The following CUBN variants were observed in gnomAD, a reference collection of about 807,000 sequenced individuals.
CUBN encodes the protein 460 kDa receptor.
CUBN carries 282 observed loss-of-function variants against 405.3 expected under a neutral mutation model. The observed-to-expected ratio is 0.70, with a 90% CI of 0.63 to 0.77. The LOEUF is 0.77. Ranked by LOEUF, CUBN falls within the 30% of genes least tolerant of loss-of-function variation. The pLI is 0.00. For missense variants in CUBN, 4,514 were observed against 4,475.2 expected (o/e 1.01, Z -0.25); for synonymous variants, 1,684 against 1,617.0 (o/e 1.04, Z -0.99).
intron 3 of CUBN, among the ~76,000 whole-genome samples, chr10:17,127,236 C>T (rs7893747): frequency 1.3e-5 from 2 of 148,468 alleles, no homozygotes; most frequent in Non-Finnish European, 3.0e-5. Context: ...CTGTCTCTCT[C>T]TCTCTTTCTG....
chr10:16,922,555 TTAAC>T (rs1257888406), intron 43 of CUBN, among the ~76,000 whole-genome samples: 1 of 152,198 alleles, frequency 6.6e-6, no homozygotes, highest in Non-Finnish European at 1.5e-5. Context: ...GATTAACATC[TTAAC>T]TAACTGAGGG....
intron 4 of CUBN, 85 bp downstream of exon 4, chr10:17,126,676 C>T: frequency 2.1e-6 from 3 of 1,405,946 alleles, no homozygotes; most frequent in Non-Finnish European, 3.0e-6. Flanking sequence ...CATCCATTCA[C>T]CTTCAAAATA....
intron 54 of CUBN, among the ~76,000 whole-genome samples, chr10:16,892,173 T>C (rs1029600515): frequency 6.6e-6 from 1 of 152,230 alleles, no homozygotes; most frequent in African/African-American, 2.4e-5. Flanking sequence ...TTTAAAGCCG[T>C]ATTGTTTCAA....
chr10:16,896,250 G>C (rs1841180757), intron 54 of CUBN, among the ~76,000 whole-genome samples: 1 of 151,994 alleles, frequency 6.6e-6, no homozygotes, highest in African/African-American at 2.4e-5. Flanking sequence ...ACATATTTTT[G>C]CTTTTTCCAC....
intron 54 of CUBN, 106 bp from the exon 55 acceptor site, chr10:16,890,633 A>C (rs1840978122): frequency 9.2e-7 from 1 of 1,091,454 alleles, no homozygotes; most frequent in Non-Finnish European, 1.4e-6. Flanking sequence ...AGAACTAAGC[A>C]TAAGAGTAAA....
chr10:17,084,546 C>CCACA lies in CUBN; in HGVS notation c.2111-89_2111-86dup, dbSNP rs45464996. 6.0e-4 allele frequency: 552 copies of CCACA among 914,908 alleles called. 1 individual carries two copies. The highest frequency in any genetic ancestry group is 4.6e-3 in the Middle Eastern group (14 of 3,060). 56.7% of individuals were successfully genotyped at this position (914,908 alleles called of 1,614,324 possible). A position where few individuals can be genotyped will look rare whatever the true frequency, so the allele number is the denominator to read the frequency against. On this transcript the variant is annotated intron_variant, in intron 16 of 66. Coordinates refer to ENST00000377833, the MANE Select transcript of CUBN (RefSeq NM_001081.4). ...TTGGATCCAATTTCTAAAAATTTAC[C>CCACA]CACACACACACACACACAAGCACAT...
intron 37 of CUBN, among the ~76,000 whole-genome samples, chr10:16,939,662 G>A (rs1441238327): frequency 6.6e-6 from 1 of 152,102 alleles, no homozygotes; most frequent in Non-Finnish European, 1.5e-5. Context: ...AATACTAAAT[G>A]TCTTAAATGT....
intron 60 of CUBN, among the ~76,000 whole-genome samples, chr10:16,847,129 G>A (rs1165154414): frequency 6.6e-6 from 1 of 151,978 alleles, no homozygotes; most frequent in African/African-American, 2.4e-5. Flanking sequence ...TATGCAACAC[G>A]TTATACAATG....
intron 50 of CUBN, among the ~76,000 whole-genome samples, chr10:16,904,695 C>G (rs1841508222): frequency 6.6e-6 from 1 of 152,270 alleles, no homozygotes; most frequent in Admixed American, 6.5e-5. Context: ...TTTATTCTGT[C>G]AGATAAACAT....
intron 58 of CUBN, 111 bp downstream of exon 58, chr10:16,874,263 T>C (rs1840439912): frequency 1.7e-6 from 2 of 1,150,014 alleles, no homozygotes; most frequent in African/African-American, 1.5e-5. Flanking sequence ...TCTGTGTAGA[T>C]TTCCCTCCAG....
intron 41 of CUBN, among the ~76,000 whole-genome samples, 188 bp downstream of exon 41, chr10:16,927,969 A>G (rs563894638): frequency 1.3e-5 from 2 of 152,286 alleles, no homozygotes; most frequent in East Asian, 1.9e-4. Context: ...ACTTGGCCCC[A>G]GTGCTTTGGA....
intron 14 of CUBN, among the ~76,000 whole-genome samples, chr10:17,098,288 AG>A (rs2093414671): frequency 6.6e-6 from 1 of 152,238 alleles, no homozygotes; most frequent in African/African-American, 2.4e-5. Flanking sequence ...GATTTCAAGT[AG>A]CAACTGTCAT....
intron 31 of CUBN, among the ~76,000 whole-genome samples, chr10:16,970,031 C>T (rs544722187): frequency 6.6e-6 from 1 of 152,176 alleles, no homozygotes; most frequent in East Asian, 1.9e-4. Context: ...TTCTGTTCCC[C>T]AGGCACCTGA....
intron 22 of CUBN, 134 bp downstream of exon 22, chr10:17,065,374 C>T: frequency 8.9e-7 from 1 of 1,129,650 alleles, no homozygotes; most frequent in Admixed American, 1.7e-5. Context: ...ATTTAAGTCA[C>T]TACCCTTTAT....
chr10:16,953,157 G>A (rs1030386132), intron 32 of CUBN, among the ~76,000 whole-genome samples: 6 of 152,148 alleles, frequency 3.9e-5, no homozygotes, highest in African/African-American at 1.2e-4. Context: ...TTTTACAGGC[G>A]ACTTTGGAGA....
Position 16,933,133 on chromosome 10 carries a change from A to C in CUBN, c.6078T>G (p.Ile2026Met), listed in dbSNP as rs1242616499. ...TVELNILSLD[I>M]ESHRTCAYDS... ...CATAGGCACACGTTCGGTGAGATTC[A>C]ATGTCCAGGGAAAGAATGTTGAGTT... The change falls in exon 40 of 67, where the codon ATT (isoleucine) becomes ATG (methionine). Residue 2026 changes from isoleucine to methionine, a missense_variant. This residue lies in a region of CUBN where 1,613 missense variants were observed against 1,542.8 expected (regional missense o/e 1.05). Transcript: ENST00000377833. The C allele has an allele frequency of 6.2e-7, 1 of 1,613,982 alleles. No individual in the cohort carries two copies.
chr10:16,967,869 CAG>C (rs965709392), intron 31 of CUBN, among the ~76,000 whole-genome samples: 15 of 105,962 alleles, frequency 1.4e-4, no homozygotes, highest in Admixed American at 4.7e-4. Context: ...GAAGGAGAGA[CAG>C]GGAGAGAGAG....
At chr10:17,082,681 C>T (rs1375781078) in intron 17 of CUBN, among the ~76,000 whole-genome samples, 1 of 152,182 alleles carries the variant, frequency 6.6e-6, no homozygotes, top group Non-Finnish European at 1.5e-5. Flanking sequence ...ATTCACAAGA[C>T]CTTCCTCCCT....
chr10:17,093,481 T>C (rs1278989010), intron 14 of CUBN, among the ~76,000 whole-genome samples: 1 of 152,160 alleles, frequency 6.6e-6, no homozygotes, highest in Non-Finnish European at 1.5e-5. Context: ...CCACCAGGAT[T>C]CATGGAAAAT....
Sources: gnomAD v4.1 joint callset for allele counts (sites outside exome capture counted in the v4.1 genomes callset) on GRCh38, gnomAD v4.1.1 for gene constraint, gnomAD v4.1.1 regional missense constraint, MANE v1.5 for transcripts, NCBI Gene and HGNC (gene_info 2026-07-23, HGNC 2026-07-21) for gene names.